Variants in CHN2 observed in about 807,000 individuals in gnomAD.
The protein encoded by CHN2 is beta-chimaerin.
In CHN2, 35 loss-of-function variants were observed where a neutral mutation model predicts 56.3. The ratio of observed to expected loss-of-function variants is 0.62; its 90% CI spans 0.47 to 0.82. The LOEUF is 0.82. Ranked by LOEUF, CHN2 falls within the 40% of genes least tolerant of loss-of-function variation. The probability of loss-of-function intolerance (pLI) is 0.00; values close to 1 mark genes in which losing one functional copy is unlikely to be tolerated. For missense variants in CHN2, 491 were observed against 580.5 expected, an observed-to-expected ratio of 0.85 and a Z score of 1.58; for synonymous variants, 210 against 212.8, an observed-to-expected ratio of 0.99 and a Z score of 0.12.
chr7:29,242,671 G>C (rs1386092279), intron 1 of CHN2, among the ~76,000 whole-genome samples: 6 of 138,786 alleles, frequency 4.3e-5, no homozygotes, highest in African/African-American at 1.6e-4. Flanking sequence ...AGCAAACTTA[G>C]ATAAAGAAGG....
At chr7:29,350,442 G>C (rs1428995050) in intron 1 of CHN2, among the ~76,000 whole-genome samples, 1 of 152,124 alleles carries the variant, frequency 6.6e-6, no homozygotes, top group African/African-American at 2.4e-5. Flanking sequence ...GTGCTCTGAC[G>C]CTTGACCAAG....
intron 1 of CHN2, among the ~76,000 whole-genome samples, chr7:29,260,923 C>T (rs1399008754): frequency 1.3e-5 from 2 of 152,160 alleles, no homozygotes; most frequent in Non-Finnish European, 2.9e-5. Flanking sequence ...ATCCCCAATT[C>T]ATAAGCCACT....
chr7:29,336,759 C>CAAAAAAAAAAAAAAAAAAA (rs5883205), intron 1 of CHN2, among the ~76,000 whole-genome samples: 1 of 68,554 alleles, frequency 1.5e-5, no homozygotes, highest in African/African-American at 6.4e-5. Flanking sequence ...GATTCTGTCT[C>CAAAAAAAAAAAAAAAAAAA]AAAAAAAAAA....
intron 6 of CHN2, among the ~76,000 whole-genome samples, chr7:29,453,740 G>A (rs1463766424): frequency 1.3e-5 from 2 of 152,146 alleles, no homozygotes; most frequent in African/African-American, 4.8e-5. Context: ...GAGAGATCAA[G>A]GCCTACCCAG....
intron 5 of CHN2, chr7:29,400,313 C>G (rs984697150): frequency 1.8e-6 from 1 of 565,438 alleles, no homozygotes; most frequent in Admixed American, 3.2e-5. Flanking sequence ...TAAACTCAAG[C>G]AGGAACCGCC....
At chr7:29,277,990 G>A (rs915965911) in intron 1 of CHN2, among the ~76,000 whole-genome samples, 3 of 152,184 alleles carry the variant, frequency 2.0e-5, no homozygotes, top group East Asian at 3.9e-4. Context: ...GGTTGAGTGT[G>A]TGCAGTCATA....
intron 1 of CHN2, among the ~76,000 whole-genome samples, chr7:29,266,403 C>A (rs1383079626): frequency 1.3e-5 from 2 of 152,174 alleles, no homozygotes; most frequent in Non-Finnish European, 2.9e-5. Context: ...AAACCACAGA[C>A]TAACCATCTT....
intron 6 of CHN2, chr7:29,479,888 C>T (rs1436039703): frequency 2.8e-6 from 4 of 1,406,368 alleles, no homozygotes; most frequent in Admixed American, 2.9e-5. Flanking sequence ...AGGCGCACGT[C>T]GGCCTTAAGA....
intron 2 of CHN2, among the ~76,000 whole-genome samples, chr7:29,153,356 C>T (rs938714360): frequency 4.6e-5 from 7 of 152,240 alleles, no homozygotes; most frequent in Admixed American, 3.9e-4. Context: ...CACTTATACA[C>T]GGATTTTTTT....
chr7:29,506,660 G>A (rs954026721), intron 10 of CHN2, among the ~76,000 whole-genome samples: 3 of 152,040 alleles, frequency 2.0e-5, no homozygotes, highest in African/African-American at 7.2e-5. Context: ...AGAATGATAA[G>A]AAATATAACA....
At chr7:29,271,793 CG>C (rs1216941644) in intron 1 of CHN2, among the ~76,000 whole-genome samples, 4 of 152,142 alleles carry the variant, frequency 2.6e-5, no homozygotes, top group Admixed American at 2.0e-4. Context: ...AAGTAAGAGA[CG>C]TGAGTTAAAA....
chr7:29,202,216 A>G (rs1488236599), intron 1 of CHN2, among the ~76,000 whole-genome samples: 1 of 152,250 alleles, frequency 6.6e-6, no homozygotes, highest in African/African-American at 2.4e-5. Flanking sequence ...AGTGGCATAT[A>G]CAAGCCGTGT....
At chr7:29,377,544 A>G (rs1431745482) in intron 3 of CHN2, among the ~76,000 whole-genome samples, 1 of 152,208 alleles carries the variant, frequency 6.6e-6, no homozygotes, top group African/African-American at 2.4e-5. Flanking sequence ...GTTTTCCAAG[A>G]TGCTAGTTTC....
chr7:29,465,031 T>C (rs1026170175), intron 6 of CHN2, among the ~76,000 whole-genome samples: 1 of 152,194 alleles, frequency 6.6e-6, no homozygotes, highest in African/African-American at 2.4e-5. Context: ...TTTTTATAAA[T>C]TCACATCCTA....
intron 7 of CHN2, among the ~76,000 whole-genome samples, chr7:29,485,938 C>T (rs774568045): frequency 5.3e-5 from 8 of 152,110 alleles, no homozygotes; most frequent in South Asian, 2.1e-4. Flanking sequence ...TCCTTCTTCC[C>T]GATATGGAAT....
intron 9 of CHN2, among the ~76,000 whole-genome samples, chr7:29,502,740 G>C (rs1043021356): frequency 4.1e-5 from 6 of 147,220 alleles, no homozygotes; most frequent in Non-Finnish European, 8.8e-5. Flanking sequence ...ATAAGGCATA[G>C]ATTTTTTTTT....
intron 3 of CHN2, among the ~76,000 whole-genome samples, chr7:29,390,989 GA>G (rs1240653666): frequency 3.3e-5 from 5 of 152,284 alleles, no homozygotes; most frequent in African/African-American, 1.2e-4. Context: ...GTGAAGTATA[GA>G]AATAGAGACT....
At chr7:29,224,094 A>G (rs1786007507) in intron 1 of CHN2, among the ~76,000 whole-genome samples, 2 of 152,300 alleles carry the variant, frequency 1.3e-5, no homozygotes, top group South Asian at 4.1e-4. Context: ...GCAAATGAAC[A>G]TGGCGGGAAG....
chr7:29,405,993 T>C (rs868261012), intron 6 of CHN2, among the ~76,000 whole-genome samples: 3 of 152,196 alleles, frequency 2.0e-5, no homozygotes, highest in East Asian at 1.9e-4. Flanking sequence ...TCATACAAGG[T>C]TGAGCCTGTC....
Sources: allele counts gnomAD v4.1 joint callset (sites outside exome capture counted in the v4.1 genomes callset), GRCh38; gene constraint gnomAD v4.1.1; transcripts MANE v1.5; gene names NCBI Gene and HGNC (gene_info 2026-07-23, HGNC 2026-07-21).